TAB2: variants seen among roughly 807,000 people sequenced by gnomAD.
TAB2 encodes TGF-beta-activated kinase 1 and MAP3K7-binding protein 2.
In TAB2, 3 loss-of-function variants were observed where a neutral mutation model predicts 65.0. The ratio of observed to expected loss-of-function variants is 0.05; its 90% CI spans 0.02 to 0.12. The LOEUF is 0.12. TAB2 is among the 10% of genes least tolerant of loss of function. The pLI is 1.00. For missense variants in TAB2, 623 were observed against 840.3 expected (o/e 0.74, Z 3.20); for synonymous variants, 298 against 285.1 (o/e 1.05, Z -0.46).
intron 1 of TAB2, among the ~76,000 whole-genome samples, chr6:149,369,517 G>C (rs1334876198): frequency 6.6e-6 from 1 of 152,056 alleles, no homozygotes; most frequent in Non-Finnish European, 1.5e-5. Context: ...GTCATTTGTA[G>C]TACCAAATTT....
chr6:149,343,165 G>A (rs972688366), intron 1 of TAB2, among the ~76,000 whole-genome samples: 3 of 152,094 alleles, frequency 2.0e-5, no homozygotes, highest in African/African-American at 7.2e-5. Context: ...TCTTTAAAAG[G>A]TTTACATTGA....
chr6:149,229,969 A>C (rs2114631546), intron 1 of TAB2: 2 of 152,358 alleles, frequency 1.3e-5, no homozygotes, highest in South Asian at 4.1e-4. Flanking sequence ...ATCTGGAAAT[A>C]TATTTGAACA....
rs544156559 is a variant in TAB2 at position 149,249,002 on chromosome 6, T to C, written c.-121+30226T>C. ...GCCAAATTACACAGCAGAGGAGTGA[T>C]GGTGGACACAGCCATGCTTGCAAGA... On this transcript the variant is annotated intron_variant, in intron 1 of 1. Coordinates refer to the TAB2 transcript ENST00000606202. 2.0e-5 allele frequency among the ~76,000 whole-genome samples: 3 copies of C among 152,188 alleles called. No individual in the cohort carries two copies. The East Asian group carries it at 5.8e-4, about 29-fold the overall frequency.
chr6:149,311,767 T>A (rs1779170683), intron 1 of TAB2, among the ~76,000 whole-genome samples: 1 of 46,346 alleles, frequency 2.2e-5, no homozygotes, highest in African/African-American at 6.2e-5. Flanking sequence ...TTTAGCAATA[T>A]TTTCTAAGAT....
chr6:149,227,057 GA>G (rs1178167725), intron 1 of TAB2, among the ~76,000 whole-genome samples: 2 of 151,936 alleles, frequency 1.3e-5, no homozygotes, highest in Admixed American at 6.5e-5. Context: ...GCCCTTCAAA[GA>G]AAAAAAACCT....
At chr6:149,229,189 G>T (rs768731727) in intron 1 of TAB2, among the ~76,000 whole-genome samples, 2 of 152,184 alleles carry the variant, frequency 1.3e-5, no homozygotes, top group African/African-American at 2.4e-5. Context: ...AGGGCAGGGA[G>T]CAGGGAGAGA....
chr6:149,338,578 C>G (rs1233804566), intron 1 of TAB2, among the ~76,000 whole-genome samples: 1 of 152,098 alleles, frequency 6.6e-6, no homozygotes, highest in Non-Finnish European at 1.5e-5. Flanking sequence ...AACATAAGTA[C>G]AATTAAGATG....
intron 3 of TAB2, among the ~76,000 whole-genome samples, chr6:149,380,671 T>TA (rs1264450798): frequency 7.9e-5 from 12 of 152,298 alleles, no homozygotes; most frequent in Non-Finnish European, 4.4e-5. Context: ...CCTTTTAGAG[T>TA]AAGGGCATAT....
At chr6:149,317,273 G>A (rs776644888), upstream of TAB2, among the ~76,000 whole-genome samples, 4 of 151,804 alleles carry the variant, frequency 2.6e-5, no homozygotes. The surrounding 1 kb of genome is among the most constrained non-coding windows in gnomAD (Gnocchi z 4.7). Context: ...AGCCCTCCCC[G>A]GGCTGCCCGC....
chr6:149,221,905 T>C (rs1415305085), intron 1 of TAB2, among the ~76,000 whole-genome samples: 3 of 152,194 alleles, frequency 2.0e-5, no homozygotes, highest in African/African-American at 7.2e-5. Context: ...ACCACATAAA[T>C]GTATGTGTGA....
chr6:149,349,809 GTTTA>G (rs2114801958), intron 1 of TAB2, among the ~76,000 whole-genome samples: 1 of 152,284 alleles, frequency 6.6e-6, no homozygotes, highest in African/African-American at 2.4e-5. Context: ...GTATTCTGAT[GTTTA>G]TTTAGAGAGT....
At chr6:149,298,826 T>C (rs1047833761) in intron 1 of TAB2, among the ~76,000 whole-genome samples, 1 of 152,214 alleles carries the variant, frequency 6.6e-6, no homozygotes, top group Non-Finnish European at 1.5e-5. Context: ...TTTCAGACAT[T>C]AATTCTATAA....
chr6:149,348,114 C>T (rs892530026), intron 1 of TAB2, among the ~76,000 whole-genome samples: 8 of 152,094 alleles, frequency 5.3e-5, no homozygotes, highest in African/African-American at 1.7e-4. Flanking sequence ...GAATGTGGGC[C>T]AGGCACAGTG....
rs59070515 is a variant in TAB2, at chr6:149,326,271, C to CA, written c.-90+8275dup. On this transcript the variant is annotated intron_variant, in intron 1 of 6. Coordinates refer to ENST00000637181, the MANE Select transcript of TAB2 (RefSeq NM_001292034.3). The stretch of plus-strand genomic sequence containing the variant: ...TGGGTGACAAAGCAAGACCCCATCT[C>CA]AAAAAAAAAAAAAAAAAAAGACAGT... Among the ~76,000 whole-genome samples the CA allele has an allele frequency of 5.2e-3, 656 of 124,970 alleles. 6 individuals carry two copies. The highest frequency in any genetic ancestry group is 0.018 in the African/African-American group (590 of 33,460). 82.0% of individuals were successfully genotyped at this position (124,970 alleles called of 152,430 possible).
At chr6:149,307,195 G>A (rs1029099667) in intron 1 of TAB2, among the ~76,000 whole-genome samples, 2 of 151,780 alleles carry the variant, frequency 1.3e-5, no homozygotes, top group African/African-American at 4.9e-5. Flanking sequence ...ACAAAAGACT[G>A]GGTTGAATTG....
chr6:149,279,216 T>C (rs768122482), intron 1 of TAB2, among the ~76,000 whole-genome samples: 13 of 152,166 alleles, frequency 8.5e-5, no homozygotes, highest in Non-Finnish European at 1.3e-4. Context: ...GACCATTCTG[T>C]GTCATTTGAC....
chr6:149,324,046 G>A (rs972402851), intron 1 of TAB2, among the ~76,000 whole-genome samples: 12 of 152,108 alleles, frequency 7.9e-5, no homozygotes, highest in Non-Finnish European at 1.8e-4. Flanking sequence ...CAAGAGACAA[G>A]AGCAGTATAA....
At chr6:149,380,534 CAT>C (rs1194510426) in intron 3 of TAB2, among the ~76,000 whole-genome samples, 5 of 152,166 alleles carry the variant, frequency 3.3e-5, no homozygotes, top group African/African-American at 4.8e-5. Flanking sequence ...AAATTTCTGT[CAT>C]ATGTTTTATC....
chr6:149,294,916 T>C (rs1272115298), intron 1 of TAB2, among the ~76,000 whole-genome samples: 1 of 152,170 alleles, frequency 6.6e-6, no homozygotes, highest in Non-Finnish European at 1.5e-5. Context: ...TAAAATGTTA[T>C]GAAAATATAA....
Sources: gnomAD v4.1 joint callset for allele counts (sites outside exome capture counted in the v4.1 genomes callset) on GRCh38, gnomAD v4.1.1 for gene constraint, Gnocchi (gnomAD v3.1) non-coding constraint, MANE v1.5 for transcripts, NCBI Gene and HGNC (gene_info 2026-07-23, HGNC 2026-07-21) for gene names.